LINGO1: variants seen among roughly 807,000 people sequenced by gnomAD.
The protein encoded by LINGO1 is leucine-rich repeat and immunoglobulin-like domain-containing nogo receptor-interacting protein 1.
LINGO1 carries 11 observed loss-of-function variants against 37.3 expected under a neutral mutation model. The ratio of observed to expected loss-of-function variants is 0.29; its 90% CI spans 0.19 to 0.49. The LOEUF is 0.49. Among genes scored for constraint, LINGO1 ranks in the 20% least tolerant of loss-of-function variants. The pLI, the probability that LINGO1 is intolerant of heterozygous loss-of-function variation, is 0.99. For synonymous variants in LINGO1, 387 were observed against 403.0 expected (o/e 0.96, Z 0.48); for missense variants, 585 against 878.2 (o/e 0.67, Z 4.22).
chr15:77,697,764 C>T (rs28501357), upstream of LINGO1, among the ~76,000 whole-genome samples: 5 of 151,860 alleles, frequency 3.3e-5, no homozygotes, highest in Admixed American at 2.6e-4. Context: ...TCCAGGGCTG[C>T]GGTTTGGGAA....
chr15:77,653,914 AGTTCC>A (rs1296477710), intron 3 of LINGO1, among the ~76,000 whole-genome samples: 1 of 152,236 alleles, frequency 6.6e-6, no homozygotes, highest in Non-Finnish European at 1.5e-5. Context: ...CCTGTGTGCT[AGTTCC>A]CTGTGAGAGT....
At chr15:77,642,538 G>T (rs1228492943) in intron 3 of LINGO1, among the ~76,000 whole-genome samples, 1 of 152,216 alleles carries the variant, frequency 6.6e-6, no homozygotes, top group Admixed American at 6.5e-5. Context: ...GGACACTTAG[G>T]TGCCCATGGA....
At chr15:77,616,998 C>T (rs1387650748) in intron 1 of LINGO1, among the ~76,000 whole-genome samples, 1 of 152,162 alleles carries the variant, frequency 6.6e-6, no homozygotes, top group Non-Finnish European at 1.5e-5. Context: ...AGGAAGGCAC[C>T]ATCAGATTCC....
upstream of LINGO1, among the ~76,000 whole-genome samples, chr15:77,700,909 C>G (rs192892486): frequency 1.3e-5 from 2 of 152,314 alleles, no homozygotes; most frequent in East Asian, 1.9e-4. Context: ...ACCCACGGAC[C>G]AGGCTTCAGC....
chr15:77,684,915 C>G (rs2075477869), intron 2 of LINGO1, among the ~76,000 whole-genome samples: 1 of 152,108 alleles, frequency 6.6e-6, no homozygotes, highest in Non-Finnish European at 1.5e-5. Flanking sequence ...GGGCAACAAG[C>G]TCGGGGTGGT....
At chr15:77,654,420 G>A (rs905797542) in intron 3 of LINGO1, among the ~76,000 whole-genome samples, 11 of 152,132 alleles carry the variant, frequency 7.2e-5, no homozygotes, top group Admixed American at 1.3e-4. Context: ...TTAATCCATC[G>A]GATGCCAAGA....
chr15:77,628,482 A>G (rs1028649841), intron 1 of LINGO1, among the ~76,000 whole-genome samples: 6 of 152,244 alleles, frequency 3.9e-5, no homozygotes, highest in African/African-American at 1.4e-4. Context: ...CTCTTTTTAT[A>G]AAGTTCAAAA....
upstream of LINGO1, among the ~76,000 whole-genome samples, chr15:77,633,857 C>T (rs1310603670): frequency 6.6e-6 from 1 of 152,194 alleles, no homozygotes; most frequent in Non-Finnish European, 1.5e-5. Flanking sequence ...GCAAAGCCTG[C>T]AGAGTAGGTT....
intron 3 of LINGO1, among the ~76,000 whole-genome samples, chr15:77,672,031 C>CCTCCTCCTCCTCCTCCTCCTCCTA (rs2075259291): frequency 6.6e-6 from 1 of 151,690 alleles, no homozygotes; most frequent in African/African-American, 2.4e-5. Context: ...TCCTCCTCCT[C>CCTCCTCCTCCTCCTCCTCCTCCTA]CTCCTGAGGC....
At chr15:77,752,671 T>C (rs2076383433) in intron 1 of LINGO1, among the ~76,000 whole-genome samples, 1 of 152,004 alleles carries the variant, frequency 6.6e-6, no homozygotes. Context: ...GAAGGAGAGG[T>C]AGGGGCTCGG....
chr15:77,671,476 C>T (rs572780112), intron 3 of LINGO1, among the ~76,000 whole-genome samples: 159 of 152,342 alleles, frequency 1.0e-3, no homozygotes, highest in African/African-American at 3.7e-3. Context: ...GTTGGGCAGC[C>T]GGTTACCTTC....
At chr15:77,668,414 C>G (rs986535588) in intron 3 of LINGO1, among the ~76,000 whole-genome samples, 7 of 152,162 alleles carry the variant, frequency 4.6e-5, no homozygotes, top group Non-Finnish European at 5.9e-5. Flanking sequence ...ACTTGCAAGG[C>G]TTCCAATCCA....
intron 2 of LINGO1, among the ~76,000 whole-genome samples, chr15:77,705,558 G>A (rs1178606538): frequency 2.0e-5 from 3 of 152,200 alleles, no homozygotes; most frequent in Admixed American, 2.0e-4. Flanking sequence ...GTGGGGACAG[G>A]CAAGTGCCAA....
At chr15:77,662,336 TGA>T (rs2075012398) in intron 3 of LINGO1, among the ~76,000 whole-genome samples, 1 of 152,090 alleles carries the variant, frequency 6.6e-6, no homozygotes, top group African/African-American at 2.4e-5. Context: ...CTGTGGGGAA[TGA>T]GAGAAGGGCG....
intron 1 of LINGO1, among the ~76,000 whole-genome samples, chr15:77,755,244 C>T (rs551546356): frequency 1.8e-4 from 27 of 152,300 alleles, no homozygotes; most frequent in Non-Finnish European, 3.2e-4. Context: ...GGGAGGTGAC[C>T]CCAGGGATCT....
chr15:77,781,292 C>T (rs939815738), intron 1 of LINGO1, among the ~76,000 whole-genome samples: 2 of 152,132 alleles, frequency 1.3e-5, no homozygotes, highest in East Asian at 1.9e-4. Flanking sequence ...TCAGCCAGGC[C>T]GGAGCCAGCC....
chr15:77,647,659 C>T (rs891296764), intron 3 of LINGO1, among the ~76,000 whole-genome samples: 3 of 152,166 alleles, frequency 2.0e-5, no homozygotes, highest in African/African-American at 7.2e-5. Context: ...CAATGGCAGC[C>T]TTGCTGAGTG....
intron 3 of LINGO1, among the ~76,000 whole-genome samples, chr15:77,668,900 G>A (rs2075195601): frequency 6.6e-6 from 1 of 151,592 alleles, no homozygotes; most frequent in Non-Finnish European, 1.5e-5. Context: ...CTGTTGAGAA[G>A]GAAATAAAAA....
At position 77,613,874 on chromosome 15, in the gene LINGO1, G is replaced by A. The variant is rs1595972160; in HGVS notation, c.*170C>T. On this transcript the variant is annotated 3_prime_UTR_variant, in exon 2 of 2. Coordinates refer to ENST00000355300, the MANE Select transcript of LINGO1 (RefSeq NM_032808.7). ...GCTTCTGAGGTCCTGGTAGAAGGAGGGCAGGTGGTGAGGGCTGGCGGGGGG... is the reference window on the plus strand; with the variant it reads ...GCTTCTGAGGTCCTGGTAGAAGGAGAGCAGGTGGTGAGGGCTGGCGGGGGG... 1 of 633,382 alleles carries A rather than the reference G, an allele frequency of 1.6e-6. No homozygotes were observed. Among genetic ancestry groups the A allele is most frequent in the African/African-American group, 1.8e-5 (1 of 54,538 alleles). The allele number at this position is 633,382 out of a possible 1,614,324, so 39.2% of individuals were successfully genotyped here. A position where few individuals can be genotyped will look rare whatever the true frequency, so the allele number is the denominator to read the frequency against.
Sources: gnomAD v4.1 joint callset for allele counts (sites outside exome capture counted in the v4.1 genomes callset) on GRCh38, gnomAD v4.1.1 for gene constraint, MANE v1.5 for transcripts, NCBI Gene and HGNC (gene_info 2026-07-23, HGNC 2026-07-21) for gene names.